PRKCE: variants seen among roughly 807,000 people sequenced by gnomAD.
The protein encoded by PRKCE is protein kinase C epsilon.
A neutral mutation model predicts 85.4 loss-of-function variants in PRKCE; 16 were observed. The ratio of observed to expected loss-of-function variants is 0.19; its 90% CI spans 0.13 to 0.28. The LOEUF is 0.28. Ranked by LOEUF, PRKCE falls within the 10% of genes least tolerant of loss-of-function variation. The probability of loss-of-function intolerance (pLI) is 1.00; values close to 1 mark genes in which losing one functional copy is unlikely to be tolerated. For missense variants in PRKCE, 573 were observed against 975.2 expected (o/e 0.59, Z 5.49); for synonymous variants, 388 against 371.5 (o/e 1.04, Z -0.51).
rs116285198 is a variant in PRKCE at position 45,855,570 on chromosome 2, G to C, written c.412+12507G>C. On this transcript the variant is annotated intron_variant, in intron 2 of 14. Transcript: ENST00000306156. ...GTTTGTTAAAACACAGTGCATCGGT[G>C]TGTGTCTGGGAACAGGTCCATCTGG... Among the ~76,000 whole-genome samples, 495 of 152,286 alleles carry C rather than the reference G, an allele frequency of 3.3e-3. 2 individuals carry two copies. The highest frequency in any genetic ancestry group is 0.012 in the African/African-American group (486 of 41,550).
intron 10 of PRKCE, among the ~76,000 whole-genome samples, chr2:46,073,265 A>C (rs1008539864): frequency 6.6e-6 from 1 of 152,174 alleles, no homozygotes; most frequent in Non-Finnish European, 1.5e-5. Context: ...GAGTTACTAG[A>C]GGTTTTTCTT....
At chr2:46,019,399 G>A (rs559552583) in intron 10 of PRKCE, among the ~76,000 whole-genome samples, 5 of 152,258 alleles carry the variant, frequency 3.3e-5, no homozygotes, top group African/African-American at 9.6e-5. Context: ...GTGGTTCCCC[G>A]CTGGCACCCT....
At chr2:45,726,609 A>T (rs1573083881) in intron 1 of PRKCE, among the ~76,000 whole-genome samples, 1 of 152,250 alleles carries the variant, frequency 6.6e-6, no homozygotes, top group East Asian at 1.9e-4. Flanking sequence ...ATTTACGTAC[A>T]CTGGGAAACA....
chr2:46,018,981 C>T (rs1277674717), intron 10 of PRKCE, among the ~76,000 whole-genome samples: 3 of 152,220 alleles, frequency 2.0e-5, no homozygotes, highest in South Asian at 2.1e-4. Flanking sequence ...GATGGTGCTG[C>T]GCTCTCTGCA....
chr2:45,923,136 G>A (rs927398596), intron 2 of PRKCE, among the ~76,000 whole-genome samples: 1 of 152,198 alleles, frequency 6.6e-6, no homozygotes, highest in Non-Finnish European at 1.5e-5. Context: ...ATCTGCATGG[G>A]GAGAAATAGA....
intron 1 of PRKCE, among the ~76,000 whole-genome samples, chr2:45,738,048 A>G (rs1682235847): frequency 6.6e-6 from 1 of 151,914 alleles, no homozygotes; most frequent in Admixed American, 6.6e-5. Flanking sequence ...TCCTCTCCAC[A>G]GTCCTGCTGC....
intron 1 of PRKCE, among the ~76,000 whole-genome samples, chr2:45,784,111 G>A (rs147255460): frequency 6.6e-6 from 1 of 152,390 alleles, no homozygotes; most frequent in East Asian, 1.9e-4. Flanking sequence ...TTGAAGGAAT[G>A]AAGTGTGCTC....
At chr2:45,760,333 C>T (rs1363640813) in intron 1 of PRKCE, among the ~76,000 whole-genome samples, 1 of 152,142 alleles carries the variant, frequency 6.6e-6, no homozygotes, top group Non-Finnish European at 1.5e-5. Context: ...TTTGGTTTTG[C>T]ACTTCTTGGC....
intron 1 of PRKCE, among the ~76,000 whole-genome samples, chr2:45,821,481 A>G (rs1689527296): frequency 6.6e-6 from 1 of 152,138 alleles, no homozygotes; most frequent in South Asian, 2.1e-4. Context: ...AGTACAGGTG[A>G]GAAGAGAGTT....
At chr2:45,897,583 G>A (rs1458072739) in intron 2 of PRKCE, among the ~76,000 whole-genome samples, 1 of 152,212 alleles carries the variant, frequency 6.6e-6, no homozygotes, top group Non-Finnish European at 1.5e-5. Context: ...CTTTGCCCAT[G>A]ATAATTGCCA....
In PRKCE at chr2:46,004,535, T is replaced by C; in HGVS notation, c.967-7T>C. ...ATGCCTCTGTCCCTGCTTTCTCTCC[T>C]CTCTAGCTCATTGCTGGTGCCGAGT... is the stretch of plus-strand genomic sequence containing the variant. On this transcript the variant is annotated splice_polypyrimidine_tract_variant and splice_region_variant and intron_variant, in intron 7 of 14. Transcript: ENST00000306156. This position sits in a 1 kb window ranked among gnomAD's most constrained non-coding sequence, Gnocchi z 4.1. The C allele has an allele frequency of 6.4e-7, 1 of 1,572,476 alleles. No homozygotes were observed.
chr2:46,021,168 TA>T (rs1706626288), intron 10 of PRKCE, among the ~76,000 whole-genome samples: 1 of 152,164 alleles, frequency 6.6e-6, no homozygotes, highest in South Asian at 2.1e-4. Context: ...TTAGCGAGTG[TA>T]ATGATGAGTC....
At chr2:45,744,412 CT>C (rs748779743) in intron 1 of PRKCE, among the ~76,000 whole-genome samples, 12 of 148,302 alleles carry the variant, frequency 8.1e-5, no homozygotes, top group African/African-American at 2.0e-4. Context: ...TCTTTCTTTT[CT>C]TTTCTTTCTT....
intron 1 of PRKCE, among the ~76,000 whole-genome samples, chr2:45,660,186 A>G (rs1485212613): frequency 6.6e-6 from 1 of 152,228 alleles, no homozygotes; most frequent in African/African-American, 2.4e-5. Flanking sequence ...CCTGCCTCTG[A>G]GGAGCATGGC....
chr2:45,698,770 G>A (rs553003738), intron 1 of PRKCE, among the ~76,000 whole-genome samples: 2 of 152,280 alleles, frequency 1.3e-5, no homozygotes, highest in South Asian at 2.1e-4. Flanking sequence ...ATGCCCTGAG[G>A]GTGGCCAAGG....
chr2:46,150,287 A>G (rs963944297), intron 12 of PRKCE, among the ~76,000 whole-genome samples: 1 of 152,224 alleles, frequency 6.6e-6, no homozygotes, highest in African/African-American at 2.4e-5. Flanking sequence ...GACAAAATGC[A>G]CCAGACAATC....
At chr2:45,736,304 G>A (rs569123563) in intron 1 of PRKCE, among the ~76,000 whole-genome samples, 1 of 152,208 alleles carries the variant, frequency 6.6e-6, no homozygotes, top group Non-Finnish European at 1.5e-5. Context: ...GCAAACTGAG[G>A]CTGTGAGAGA....
intron 2 of PRKCE, among the ~76,000 whole-genome samples, chr2:45,911,367 A>G (rs565074468): frequency 2.4e-4 from 37 of 152,300 alleles, no homozygotes; most frequent in African/African-American, 8.7e-4. Context: ...ACTGGACGGG[A>G]GTGTTTCACC....
chr2:45,779,361 T>C (rs1351075318), intron 1 of PRKCE, among the ~76,000 whole-genome samples: 1 of 151,914 alleles, frequency 6.6e-6, no homozygotes, highest in East Asian at 1.9e-4. Flanking sequence ...GGGAAGAGAA[T>C]GTTTGGCGGA....
Sources: gnomAD v4.1 joint callset for allele counts (sites outside exome capture counted in the v4.1 genomes callset) on GRCh38, gnomAD v4.1.1 for gene constraint, Gnocchi (gnomAD v3.1) non-coding constraint, MANE v1.5 for transcripts, NCBI Gene and HGNC (gene_info 2026-07-23, HGNC 2026-07-21) for gene names.